BORCS5: variants seen among roughly 807,000 people sequenced by gnomAD.
BORCS5 encodes the protein BLOC-1-related complex subunit 5.
A neutral mutation model predicts 22.1 loss-of-function variants in BORCS5; 17 were observed. The observed-to-expected ratio is 0.77, with a 90% confidence interval of 0.53 to 1.15. BORCS5 has a LOEUF of 1.15. BORCS5 is among the 50% of genes most tolerant of loss of function. BORCS5 has a pLI of 0.00. For missense variants in BORCS5, 247 were observed against 253.2 expected (o/e 0.98, Z 0.17); for synonymous variants, 117 against 99.8 (o/e 1.17, Z -1.03).
chr12:12,464,579 G>A (rs561548958), intron 3 of BORCS5, among the ~76,000 whole-genome samples: 2 of 152,078 alleles, frequency 1.3e-5, no homozygotes, highest in African/African-American at 4.8e-5. Context: ...TAGTTGAGCT[G>A]TTTTCTCCTG....
chr12:12,434,678 A>T (rs1055814963), intron 2 of BORCS5, among the ~76,000 whole-genome samples: 3 of 152,242 alleles, frequency 2.0e-5, no homozygotes, highest in Non-Finnish European at 4.4e-5. Context: ...GTTTGGAAGA[A>T]TATTTTCCTT....
At chr12:12,446,159 A>C (rs1942784696) in intron 3 of BORCS5, among the ~76,000 whole-genome samples, 1 of 152,196 alleles carries the variant, frequency 6.6e-6, no homozygotes, top group African/African-American at 2.4e-5. Context: ...AAAACAGACA[A>C]GAATCCCTCC....
chr12:12,406,702 C>G (rs908311802), intron 2 of BORCS5, among the ~76,000 whole-genome samples: 4 of 152,004 alleles, frequency 2.6e-5, no homozygotes, highest in African/African-American at 9.7e-5. Context: ...TAAAAATAAC[C>G]TCCCCTCTTT....
At chr12:12,433,541 T>G (rs573670046) in intron 2 of BORCS5, among the ~76,000 whole-genome samples, 1 of 152,144 alleles carries the variant, frequency 6.6e-6, no homozygotes, top group South Asian at 2.1e-4. Context: ...AATATCCTGG[T>G]TGTGATATTG....
intron 2 of BORCS5, among the ~76,000 whole-genome samples, chr12:12,409,429 C>T (rs373159182): frequency 6.7e-6 from 1 of 150,230 alleles, no homozygotes; most frequent in African/African-American, 2.5e-5. Flanking sequence ...TGTCCATGAA[C>T]ACATGGACAC....
intron 2 of BORCS5, among the ~76,000 whole-genome samples, chr12:12,416,539 A>T (rs1002651541): frequency 2.0e-5 from 3 of 151,620 alleles, no homozygotes; most frequent in African/African-American, 7.3e-5. Context: ...GAACTCCTGG[A>T]CTCAAGTGAT....
At chr12:12,446,304 T>C (rs1942789062) in intron 3 of BORCS5, among the ~76,000 whole-genome samples, 1 of 151,606 alleles carries the variant, frequency 6.6e-6, no homozygotes, top group African/African-American at 2.4e-5. Flanking sequence ...AGGGTAGAAA[T>C]TTTACATGGG....
At chr12:12,401,835 G>A (rs1015689447) in intron 2 of BORCS5, among the ~76,000 whole-genome samples, 3 of 152,000 alleles carry the variant, frequency 2.0e-5, no homozygotes, top group East Asian at 3.9e-4. Flanking sequence ...AAGGCGGGCG[G>A]ATCACGAGGT....
intron 2 of BORCS5, among the ~76,000 whole-genome samples, chr12:12,408,553 C>A (rs1009518979): frequency 1.3e-5 from 2 of 152,172 alleles, no homozygotes; most frequent in Non-Finnish European, 2.9e-5. Context: ...ACAGCAACTT[C>A]CTATCCTCTC....
At chr12:12,404,012 G>C (rs769222503) in intron 2 of BORCS5, among the ~76,000 whole-genome samples, 18 of 152,120 alleles carry the variant, frequency 1.2e-4, no homozygotes, top group Non-Finnish European at 2.2e-4. Context: ...AAAGGCTGAA[G>C]GCAAGTGATT....
At chr12:12,438,088 G>A (rs1735749370) in intron 3 of BORCS5, among the ~76,000 whole-genome samples, 2 of 152,162 alleles carry the variant, frequency 1.3e-5, no homozygotes, top group Non-Finnish European at 2.9e-5. Context: ...TTAACTCTCA[G>A]AGAGGAGATC....
At chr12:12,443,457 A>G (rs1240425289) in intron 3 of BORCS5, among the ~76,000 whole-genome samples, 3 of 152,128 alleles carry the variant, frequency 2.0e-5, no homozygotes, top group Non-Finnish European at 4.4e-5. Context: ...AAGAAATACA[A>G]CTGGTCCCCT....
rs928234617 is a variant in BORCS5 at position 12,470,639 on chromosome 12, G to A, written c.*4863G>A. On this transcript the variant is annotated 3_prime_UTR_variant, in exon 4 of 4. Transcript: ENST00000314565. Reference sequence around the variant, plus strand: ...TGGGTCCCTGGTGCCAGAAAGGTTGGGGACTGCTGTCATAAATAACATTGA... The same window carrying A: ...TGGGTCCCTGGTGCCAGAAAGGTTGAGGACTGCTGTCATAAATAACATTGA... Among the ~76,000 whole-genome samples the A allele has an allele frequency of 7.3e-5, 11 of 151,266 alleles. No individual in the cohort carries two copies. Among genetic ancestry groups the A allele is most frequent in the South Asian group, 2.1e-4 (1 of 4,802 alleles).
intron 2 of BORCS5, among the ~76,000 whole-genome samples, chr12:12,414,892 G>A (rs926889417): frequency 2.2e-4 from 33 of 148,576 alleles, no homozygotes; most frequent in African/African-American, 7.8e-4. Flanking sequence ...CAGCAGAGGC[G>A]CTCCTCACAT....
intron 1 of BORCS5, among the ~76,000 whole-genome samples, chr12:12,358,630 T>G (rs1863203817): frequency 6.6e-6 from 1 of 152,244 alleles, no homozygotes; most frequent in Non-Finnish European, 1.5e-5. Flanking sequence ...ACCAACAGCA[T>G]TCGAGCATTT....
rs1224006432 is a variant in BORCS5 at position 12,466,111 on chromosome 12, A to G, written c.*335A>G. On this transcript the variant is annotated 3_prime_UTR_variant, in exon 4 of 4. Transcript: ENST00000314565. ...TGAGAGTATATAGTCCAGTCCAGGT[A>G]CCGGAATAAAAATATGGAGACAAGG... is the stretch of plus-strand genomic sequence containing the variant. 4.9e-6 allele frequency: 1 copy of G among 204,166 alleles called. No homozygotes were observed. Among genetic ancestry groups the G allele is most frequent in the African/African-American group, 2.3e-5 (1 of 42,910 alleles). 12.6% of individuals were successfully genotyped at this position (204,166 alleles called of 1,614,324 possible). A position where few individuals can be genotyped will look rare whatever the true frequency, so the allele number is the denominator to read the frequency against.
At chr12:12,444,039 C>T (rs543315225) in intron 3 of BORCS5, among the ~76,000 whole-genome samples, 1 of 152,336 alleles carries the variant, frequency 6.6e-6, no homozygotes, top group African/African-American at 2.4e-5. Flanking sequence ...GTATCACTTC[C>T]AATGAAGAGA....
chr12:12,445,806 A>ATTT (rs1174003674), intron 3 of BORCS5, among the ~76,000 whole-genome samples: 7 of 127,418 alleles, frequency 5.5e-5, no homozygotes, highest in East Asian at 4.5e-4. Flanking sequence ...GCTGACTTTA[A>ATTT]TTTTTTTTTT....
chr12:12,391,500 C>A (rs553871235), intron 2 of BORCS5, among the ~76,000 whole-genome samples: 11 of 151,822 alleles, frequency 7.2e-5, no homozygotes, highest in Admixed American at 4.6e-4. Context: ...ATTCTCCTGC[C>A]TCAGTCTCCC....
Sources: allele counts gnomAD v4.1 joint callset (sites outside exome capture counted in the v4.1 genomes callset), GRCh38; gene constraint gnomAD v4.1.1; transcripts MANE v1.5; gene names NCBI Gene and HGNC (gene_info 2026-07-23, HGNC 2026-07-21).